PLPPR1: variants seen among roughly 807,000 people sequenced by gnomAD.
The protein encoded by PLPPR1 is phospholipid phosphatase-related protein type 1.
In PLPPR1, 10 loss-of-function variants were observed where a neutral mutation model predicts 33.1. That is an observed-to-expected ratio of 0.30 (90% CI 0.19 to 0.51). The LOEUF (loss-of-function observed/expected upper bound fraction) is 0.51, where lower values mean the gene tolerates loss of function less well. Among genes scored for constraint, PLPPR1 ranks in the 20% least tolerant of loss-of-function variants. PLPPR1 has a pLI of 0.97. For synonymous variants in PLPPR1, 151 were observed against 151.0 expected, an observed-to-expected ratio of 1.00 and a Z score of 0.00; for missense variants, 304 against 408.1, an observed-to-expected ratio of 0.74 and a Z score of 2.20.
At chr9:101,294,300 G>A (rs1258630456) in intron 4 of PLPPR1, among the ~76,000 whole-genome samples, 8 of 151,898 alleles carry the variant, frequency 5.3e-5, no homozygotes, top group African/African-American at 1.9e-4. Context: ...TGAAATTGTG[G>A]CAATAATCAA....
At chr9:101,120,201 C>T (rs1443247932) in intron 1 of PLPPR1, among the ~76,000 whole-genome samples, 1 of 152,172 alleles carries the variant, frequency 6.6e-6, no homozygotes, top group African/African-American at 2.4e-5. Context: ...AAATCTCTCA[C>T]AATTTATTTT....
intron 2 of PLPPR1, among the ~76,000 whole-genome samples, chr9:101,261,457 A>C (rs1223170238): frequency 1.3e-5 from 2 of 152,154 alleles, no homozygotes; most frequent in Non-Finnish European, 2.9e-5. Context: ...GCACCTCTTT[A>C]GTCCTTAAAG....
intron 1 of PLPPR1, among the ~76,000 whole-genome samples, chr9:101,135,134 T>C (rs995415038): frequency 1.3e-5 from 2 of 152,214 alleles, no homozygotes; most frequent in African/African-American, 4.8e-5. Flanking sequence ...ACAAAGAACC[T>C]GGACTGGGGA....
At chr9:101,166,104 A>G (rs1294002042) in intron 1 of PLPPR1, among the ~76,000 whole-genome samples, 2 of 152,144 alleles carry the variant, frequency 1.3e-5, no homozygotes. Flanking sequence ...AGCAAGACCT[A>G]CTTGTTCCTG....
chr9:101,143,727 G>C (rs1831484670), intron 1 of PLPPR1, among the ~76,000 whole-genome samples: 1 of 152,100 alleles, frequency 6.6e-6, no homozygotes. Context: ...AAACCACAAT[G>C]AGATACCATC....
intron 2 of PLPPR1, among the ~76,000 whole-genome samples, chr9:101,209,140 T>A (rs1043769347): frequency 6.6e-6 from 1 of 152,218 alleles, no homozygotes; most frequent in South Asian, 2.1e-4. Context: ...AATCAGAAAG[T>A]CTGTGGGGTA....
intron 1 of PLPPR1, among the ~76,000 whole-genome samples, chr9:101,081,255 A>C (rs144462250): frequency 2.2e-4 from 33 of 152,000 alleles, no homozygotes; most frequent in African/African-American, 7.5e-4. Flanking sequence ...TCGCTCTGTC[A>C]CCCGGGCTGG....
At chr9:101,147,682 T>A (rs61647398) in intron 1 of PLPPR1, among the ~76,000 whole-genome samples, 26,392 of 151,996 alleles carry the variant, frequency 0.17, 2,517 homozygotes, top group Non-Finnish European at 0.22. Flanking sequence ...ATACAGCAGG[T>A]ATTTTGGGAG....
chr9:101,081,242 G>C (rs1440503560), intron 1 of PLPPR1, among the ~76,000 whole-genome samples: 1 of 152,040 alleles, frequency 6.6e-6, no homozygotes, highest in African/African-American at 2.4e-5. Context: ...TTGAGACAGA[G>C]TCTCGCTCTG....
intron 1 of PLPPR1, among the ~76,000 whole-genome samples, chr9:101,184,198 C>T (rs1190834261): frequency 6.6e-6 from 1 of 151,400 alleles, no homozygotes; most frequent in Non-Finnish European, 1.5e-5. Flanking sequence ...AGAAAATATC[C>T]AATTTTAATT....
chr9:101,292,467 G>A (rs111422108), intron 4 of PLPPR1, among the ~76,000 whole-genome samples: 3 of 152,126 alleles, frequency 2.0e-5, no homozygotes, highest in Non-Finnish European at 4.4e-5. Context: ...CTCGAGAAGA[G>A]CAACTCCAAG....
intron 1 of PLPPR1, among the ~76,000 whole-genome samples, chr9:101,163,292 A>G (rs575424140): frequency 4.7e-4 from 71 of 152,338 alleles, no homozygotes; most frequent in African/African-American, 1.7e-3. Context: ...AGAACTACAA[A>G]TGCTGAGGGT....
intron 3 of PLPPR1, among the ~76,000 whole-genome samples, chr9:101,279,624 C>G (rs574750877): frequency 2.0e-5 from 3 of 152,272 alleles, no homozygotes; most frequent in Admixed American, 6.5e-5. Flanking sequence ...AGTATATTCT[C>G]TGACCACAAT....
chr9:101,125,476 A>T lies in PLPPR1; in HGVS notation c.-45-59974A>T, dbSNP rs1831233822. On this transcript the variant is annotated intron_variant, in intron 1 of 7. Transcript: ENST00000374874. Reference sequence around the variant, plus strand: ...TTTATGACCCTGGGTAGAGCTCAGAAATCCATGCTTTAAGCTTCAGCAAGA... The same window carrying T: ...TTTATGACCCTGGGTAGAGCTCAGATATCCATGCTTTAAGCTTCAGCAAGA... 1.3e-5 allele frequency: 4 copies of T among 307,806 alleles called. No individual in the cohort carries two copies. In the Admixed American group the frequency reaches 1.6e-4, roughly 12 times the overall value. 19.1% of individuals were successfully genotyped at this position (307,806 alleles called of 1,614,324 possible).
At chr9:101,102,040 G>T (rs900929504) in intron 1 of PLPPR1, among the ~76,000 whole-genome samples, 10 of 139,152 alleles carry the variant, frequency 7.2e-5, no homozygotes, top group African/African-American at 2.7e-4. Flanking sequence ...TTATGTAATT[G>T]TCTGCTTTCC....
At chr9:101,193,795 A>G (rs1826344036) in intron 2 of PLPPR1, among the ~76,000 whole-genome samples, 1 of 152,238 alleles carries the variant, frequency 6.6e-6, no homozygotes, top group South Asian at 2.1e-4. Context: ...CTACATTGCC[A>G]ATAGATGTTA....
At chr9:101,155,524 C>T (rs1192426990) in intron 1 of PLPPR1, among the ~76,000 whole-genome samples, 1 of 152,168 alleles carries the variant, frequency 6.6e-6, no homozygotes, top group African/African-American at 2.4e-5. Context: ...GGCAGAGCCC[C>T]CATGACCTAA....
chr9:101,184,324 CAA>C (rs138525588), intron 1 of PLPPR1, among the ~76,000 whole-genome samples: 3,687 of 151,716 alleles, frequency 0.024, 142 homozygotes, highest in African/African-American at 0.085. Context: ...GTTGATATCT[CAA>C]AAGGGAAGGA....
chr9:101,216,490 T>TTTTGCTGATTGATTCC (rs1826798069), intron 2 of PLPPR1, among the ~76,000 whole-genome samples: 1 of 152,176 alleles, frequency 6.6e-6, no homozygotes. Flanking sequence ...TGTCTCTTCA[T>TTTTGCTGATTGATTCC]TTTGCTGATT....
Sources: allele counts gnomAD v4.1 joint callset (sites outside exome capture counted in the v4.1 genomes callset), GRCh38; gene constraint gnomAD v4.1.1; transcripts MANE v1.5; gene names NCBI Gene and HGNC (gene_info 2026-07-23, HGNC 2026-07-21).